The following NRXN1 variants were observed in gnomAD, a reference collection of about 807,000 sequenced individuals.
NRXN1 encodes the protein neurexin-1.
In NRXN1, 39 loss-of-function variants were observed where a neutral mutation model predicts 150.9. The observed-to-expected ratio is 0.26, with a 90% CI of 0.20 to 0.34. The LOEUF is 0.34. Ranked by LOEUF, NRXN1 falls within the 10% of genes least tolerant of loss-of-function variation. The probability of loss-of-function intolerance (pLI) is 1.00; values close to 1 mark genes in which losing one functional copy is unlikely to be tolerated. For missense variants in NRXN1, 1,815 were observed against 1,949.9 expected, an observed-to-expected ratio of 0.93 and a Z score of 1.30; for synonymous variants, 924 against 757.0, an observed-to-expected ratio of 1.22 and a Z score of -3.62.
intron 5 of NRXN1, among the ~76,000 whole-genome samples, chr2:50,883,405 C>T (rs1024634675): frequency 6.7e-6 from 1 of 149,480 alleles, no homozygotes; most frequent in Non-Finnish European, 1.5e-5. Context: ...TAGTTCACAA[C>T]ATTCAACATT....
At chr2:50,964,107 G>A (rs546633749) in intron 2 of NRXN1, 24 of 292,648 alleles carry the variant, frequency 8.2e-5, no homozygotes, top group Admixed American at 3.6e-4. Flanking sequence ...TTTCGACAAC[G>A]ATTACAAAAT....
chr2:50,900,709 C>T (rs770469133), intron 5 of NRXN1, among the ~76,000 whole-genome samples: 9 of 152,086 alleles, frequency 5.9e-5, no homozygotes, highest in Non-Finnish European at 1.0e-4. Flanking sequence ...AATAAGGGAA[C>T]ATTTGCACAT....
intron 1 of NRXN1, among the ~76,000 whole-genome samples, chr2:51,030,450 C>A (rs1671318386): frequency 6.6e-6 from 1 of 151,962 alleles, no homozygotes; most frequent in Non-Finnish European, 1.5e-5. Context: ...GCAATCCCCA[C>A]AGGTGTCAGC....
At chr2:50,538,734 A>AT (rs2093324849) in intron 9 of NRXN1, 98 bp from the exon 10 acceptor site, 1 of 958,338 alleles carries the variant, frequency 1.0e-6, no homozygotes, top group Non-Finnish European at 1.4e-6. Flanking sequence ...AACTCCTTGG[A>AT]GGCAGACAAT....
intron 21 of NRXN1, among the ~76,000 whole-genome samples, chr2:49,981,962 A>T (rs1236565361): frequency 1.3e-5 from 2 of 152,098 alleles, no homozygotes; most frequent in East Asian, 3.9e-4. Flanking sequence ...TATAATTTCC[A>T]GGGATGAGAG....
chr2:50,024,149 T>C (rs1284762355), intron 21 of NRXN1: 1 of 152,222 alleles, frequency 6.6e-6, no homozygotes, highest in Non-Finnish European at 1.5e-5. Flanking sequence ...AGAACAGTGA[T>C]TTGTAGTAGG....
At chr2:50,724,634 A>T in intron 5 of NRXN1, among the ~76,000 whole-genome samples, 1 of 152,280 alleles carries the variant, frequency 6.6e-6, no homozygotes, top group African/African-American at 2.4e-5. Context: ...TTACATTTTT[A>T]ACTTGGCTGG....
intron 5 of NRXN1, among the ~76,000 whole-genome samples, chr2:50,859,237 A>G (rs2106019144): frequency 6.6e-6 from 1 of 152,040 alleles, no homozygotes; most frequent in East Asian, 1.9e-4. Context: ...ATACATTCAC[A>G]CTGTGTCTTC....
intron 2 of NRXN1, among the ~76,000 whole-genome samples, chr2:51,005,131 C>T (rs1171674397): frequency 2.0e-5 from 3 of 151,870 alleles, no homozygotes; most frequent in African/African-American, 7.2e-5. Context: ...GGATCTATAA[C>T]CTACATCTTT....
In NRXN1 at chr2:50,438,048, A is replaced by G. The variant is rs527672889; in HGVS notation, c.3364+27394T>C. ...TCTAAGTTCTACAGCCAGAAACACC[A>G]AAAATAAATTTCCTGTTCTTCCACC... On this transcript the variant is annotated intron_variant, in intron 17 of 22. Transcript: ENST00000401669. Among the ~76,000 whole-genome samples, 5 of 152,292 alleles carry G rather than the reference A, an allele frequency of 3.3e-5. No homozygotes were observed. The South Asian group carries it at 1.0e-3, about 32-fold the overall frequency.
chr2:50,608,283 G>A (rs188974983), intron 8 of NRXN1, among the ~76,000 whole-genome samples: 24 of 152,254 alleles, frequency 1.6e-4, no homozygotes, highest in Admixed American at 4.6e-4. Flanking sequence ...GGTGGTTGAC[G>A]TACTCTAGCT....
intron 17 of NRXN1, among the ~76,000 whole-genome samples, chr2:50,329,658 TATATATATATATA>T (rs1558537066): frequency 1.6e-4 from 3 of 18,958 alleles, no homozygotes; most frequent in African/African-American, 8.2e-4. Flanking sequence ...TATATATATA[TATATATATATATA>T]TATTTTTTTT....
Position 50,741,635 on chromosome 2 carries a change from T to C in NRXN1, c.833-118020A>G, listed in dbSNP as rs1324820942. Among the ~76,000 whole-genome samples, 4 of 152,200 alleles carry C rather than the reference T, an allele frequency of 2.6e-5. No homozygotes were observed. The East Asian group carries it at 7.7e-4, about 29-fold the overall frequency. On this transcript the variant is annotated intron_variant, in intron 5 of 22. Coordinates refer to ENST00000401669, the MANE Select transcript of NRXN1 (RefSeq NM_001330078.2). ...ATATGTGAGCTCAGGAGATTTCTCA[T>C]GTTCATCAGGAGGTTTTGCAAATTT...
intron 5 of NRXN1, among the ~76,000 whole-genome samples, chr2:50,745,566 T>C (rs1001270356): frequency 1.3e-5 from 2 of 152,080 alleles, no homozygotes; most frequent in African/African-American, 4.8e-5. Context: ...TTCATTCCCA[T>C]GCTGCTGATA....
chr2:49,972,879 C>T (rs1678189099), intron 21 of NRXN1: 1 of 152,290 alleles, frequency 6.6e-6, no homozygotes, highest in Admixed American at 6.5e-5. Flanking sequence ...ACCCTCCTAC[C>T]CTTTTTCTGA....
At chr2:49,977,678 G>A (rs1679227387) in intron 21 of NRXN1, among the ~76,000 whole-genome samples, 1 of 152,172 alleles carries the variant, frequency 6.6e-6, no homozygotes, top group Non-Finnish European at 1.5e-5. Context: ...TCAAAGGATG[G>A]TGACCTGGAA....
chr2:50,902,725 T>C (rs1033781611), intron 5 of NRXN1, among the ~76,000 whole-genome samples: 1 of 152,200 alleles, frequency 6.6e-6, no homozygotes, highest in Admixed American at 6.5e-5. Flanking sequence ...TGCTATTTCC[T>C]TACTGTGTAA....
At chr2:50,591,037 A>C (rs1674102561) in intron 8 of NRXN1, among the ~76,000 whole-genome samples, 1 of 152,164 alleles carries the variant, frequency 6.6e-6, no homozygotes, top group Admixed American at 6.5e-5. Flanking sequence ...TGGTTGACAA[A>C]ATATATACAA....
chr2:50,120,547 G>C (rs146607003), intron 18 of NRXN1, among the ~76,000 whole-genome samples: 99 of 152,140 alleles, frequency 6.5e-4, no homozygotes, highest in African/African-American at 2.2e-3. Context: ...CAATGGAGAC[G>C]CATCTATCTA....
Sources: allele counts gnomAD v4.1 joint callset (sites outside exome capture counted in the v4.1 genomes callset), GRCh38; gene constraint gnomAD v4.1.1; transcripts MANE v1.5; gene names NCBI Gene and HGNC (gene_info 2026-07-23, HGNC 2026-07-21).